CNTNAP2: variants seen among roughly 807,000 people sequenced by gnomAD.
The protein encoded by CNTNAP2 is contactin associated protein 2.
A neutral mutation model predicts 155.2 loss-of-function variants in CNTNAP2; 98 were observed. The ratio of observed to expected loss-of-function variants is 0.63; its 90% confidence interval spans 0.54 to 0.75. The LOEUF (loss-of-function observed/expected upper bound fraction) is 0.75. Ranked by LOEUF, CNTNAP2 falls within the 30% of genes least tolerant of loss-of-function variation. CNTNAP2 has a pLI of 0.00. For synonymous variants in CNTNAP2, 651 were observed against 631.2 expected, an observed-to-expected ratio of 1.03 and a Z score of -0.47; for missense variants, 1,727 against 1,688.1, an observed-to-expected ratio of 1.02 and a Z score of -0.40.
intron 4 of CNTNAP2, among the ~76,000 whole-genome samples, chr7:147,099,297 T>G (rs1259589024): frequency 6.6e-6 from 1 of 152,120 alleles, no homozygotes; most frequent in Non-Finnish European, 1.5e-5. Context: ...ATTTGGAAAG[T>G]GTGCTTACCA....
At chr7:148,305,836 G>A (rs868348572) in intron 21 of CNTNAP2, among the ~76,000 whole-genome samples, 3 of 152,010 alleles carry the variant, frequency 2.0e-5, no homozygotes, top group Non-Finnish European at 4.4e-5. Context: ...TTGCGGGGGG[G>A]ACACAGAGCC....
intron 21 of CNTNAP2, among the ~76,000 whole-genome samples, chr7:148,307,482 T>TCTG (rs1246940306): frequency 6.6e-6 from 1 of 152,202 alleles, no homozygotes; most frequent in Non-Finnish European, 1.5e-5. Context: ...TTAAGATGGT[T>TCTG]CTGCTGTTTT....
rs376915180 is a variant in CNTNAP2 at position 147,461,340 on chromosome 7, CA to C, written c.1671-24589del. Among the ~76,000 whole-genome samples the C allele has an allele frequency of 7.6e-3, 1,153 of 152,108 alleles. 20 individuals are homozygous for C. Among genetic ancestry groups the C allele is most frequent in the African/African-American group, 0.026 (1,100 of 41,514 alleles). On this transcript the variant is annotated intron_variant, in intron 10 of 23. Transcript: ENST00000361727. ...GAAATGCTGAGAAAAAAAATGGTTT[CA>C]AAAAATGCTAATGCTGTAATAATTT...
chr7:146,783,917 T>C (rs1292347444), intron 2 of CNTNAP2, among the ~76,000 whole-genome samples: 1 of 152,186 alleles, frequency 6.6e-6, no homozygotes, highest in East Asian at 1.9e-4. Context: ...TTTTATAAAA[T>C]TTAGCTAAAC....
chr7:147,192,521 G>T (rs138331064), intron 8 of CNTNAP2, among the ~76,000 whole-genome samples: 307 of 151,978 alleles, frequency 2.0e-3, no homozygotes, highest in African/African-American at 7.1e-3. Context: ...ACAAACTCTG[G>T]GGTACAGTCC....
chr7:147,339,605 A>T (rs1795726125), intron 9 of CNTNAP2, among the ~76,000 whole-genome samples: 1 of 152,188 alleles, frequency 6.6e-6, no homozygotes, highest in African/African-American at 2.4e-5. Flanking sequence ...ACTAAAAATA[A>T]AATATTCATA....
At position 147,098,505 on chromosome 7, in the gene CNTNAP2, TG is replaced by T. The variant is rs368174303; in HGVS notation, c.551-9640del. On this transcript the variant is annotated intron_variant, in intron 4 of 23. Transcript: ENST00000361727. ...CAACCCCAGTCTTGACACAATGTTA[TG>T]GATGTAGAAGATACTTCAGAGTCCA... Among the ~76,000 whole-genome samples the T allele has an allele frequency of 5.4e-4, 82 of 152,340 alleles. 1 individual carries two copies. The East Asian group carries it at 0.012, about 22-fold the overall frequency.
chr7:146,595,373 G>A lies in CNTNAP2; in HGVS notation c.98-178898G>A, dbSNP rs139549903. Among the ~76,000 whole-genome samples the A allele has an allele frequency of 5.7e-3, 874 of 152,040 alleles. 4 individuals are homozygous for A. Among genetic ancestry groups the A allele is most frequent in the Middle Eastern group, 0.024 (7 of 294 alleles). On this transcript the variant is annotated intron_variant, in intron 1 of 23. Coordinates refer to ENST00000361727, the MANE Select transcript of CNTNAP2 (RefSeq NM_014141.6). ...TTATATAAATGTATAAGGAAGGTAC[G>A]TGGGAAAAATATATAATAGTATGAA...
intron 8 of CNTNAP2, among the ~76,000 whole-genome samples, chr7:147,273,849 TATATAA>T (rs1804824339): frequency 1.4e-5 from 2 of 147,618 alleles, no homozygotes; most frequent in African/African-American, 2.5e-5. Flanking sequence ...TATTTAAACA[TATATAA>T]ATATATATGT....
At chr7:146,736,762 A>T (rs1801627636) in intron 1 of CNTNAP2, among the ~76,000 whole-genome samples, 1 of 152,232 alleles carries the variant, frequency 6.6e-6, no homozygotes, top group Admixed American at 6.5e-5. Context: ...ATCTGAAGAA[A>T]TAAAGGATTA....
intron 9 of CNTNAP2, among the ~76,000 whole-genome samples, chr7:147,325,876 TC>T (rs1488814433): frequency 3.9e-5 from 6 of 152,224 alleles, no homozygotes; most frequent in Non-Finnish European, 8.8e-5. Context: ...AAAAACTAAC[TC>T]CCTATTTCTT....
At chr7:146,873,522 C>T (rs1191406490) in intron 3 of CNTNAP2, among the ~76,000 whole-genome samples, 1 of 152,016 alleles carries the variant, frequency 6.6e-6, no homozygotes. Flanking sequence ...AAGTGTAGAA[C>T]TGGAAGTGCA....
At chr7:146,381,293 G>A (rs898955951) in intron 1 of CNTNAP2, among the ~76,000 whole-genome samples, 1 of 152,118 alleles carries the variant, frequency 6.6e-6, no homozygotes, top group Non-Finnish European at 1.5e-5. Flanking sequence ...TCACAAATTT[G>A]AGAACAAATC....
chr7:148,052,559 G>C (rs1275481690), intron 15 of CNTNAP2, among the ~76,000 whole-genome samples: 2 of 152,128 alleles, frequency 1.3e-5, no homozygotes, highest in Non-Finnish European at 2.9e-5. Flanking sequence ...TGTAGTTCTT[G>C]AGCAAGGATT....
At chr7:147,867,778 T>A (rs923117760) in intron 13 of CNTNAP2, among the ~76,000 whole-genome samples, 2 of 152,154 alleles carry the variant, frequency 1.3e-5, no homozygotes, top group South Asian at 2.1e-4. Context: ...AAAGTTCGCG[T>A]GCCATGGTTT....
chr7:147,301,022 A>G (rs1376270380), intron 9 of CNTNAP2, among the ~76,000 whole-genome samples: 1 of 152,166 alleles, frequency 6.6e-6, no homozygotes, highest in Non-Finnish European at 1.5e-5. Context: ...CATCACTACT[A>G]TTATTTTCAA....
intron 12 of CNTNAP2, among the ~76,000 whole-genome samples, chr7:147,605,754 C>T (rs567496629): frequency 4.1e-4 from 63 of 152,094 alleles, no homozygotes; most frequent in East Asian, 1.2e-3. Flanking sequence ...GGGCAAGAAA[C>T]GGAACAGAAG....
intron 13 of CNTNAP2, among the ~76,000 whole-genome samples, chr7:147,702,361 C>A (rs1200887157): frequency 6.6e-6 from 1 of 152,074 alleles, no homozygotes; most frequent in Non-Finnish European, 1.5e-5. Flanking sequence ...AAAAATACAA[C>A]TTTCTGATTA....
intron 1 of CNTNAP2, among the ~76,000 whole-genome samples, chr7:146,467,209 C>G (rs1312066327): frequency 1.3e-5 from 2 of 152,104 alleles, no homozygotes; most frequent in Non-Finnish European, 1.5e-5. Context: ...CACTTCTTAA[C>G]TATATTACTA....
Sources: gnomAD v4.1 joint callset for allele counts (sites outside exome capture counted in the v4.1 genomes callset) on GRCh38, gnomAD v4.1.1 for gene constraint, MANE v1.5 for transcripts, NCBI Gene and HGNC (gene_info 2026-07-23, HGNC 2026-07-21) for gene names.